The following NAV1 variants were observed in gnomAD, a reference collection of about 807,000 sequenced individuals.
NAV1 encodes the protein neuron navigator 1.
A neutral mutation model predicts 175.2 loss-of-function variants in NAV1; 18 were observed. The observed-to-expected ratio is 0.10, with a 90% CI of 0.07 to 0.15. The LOEUF (loss-of-function observed/expected upper bound fraction) is 0.15. NAV1 is among the 10% of genes least tolerant of loss of function. NAV1 has a pLI of 1.00. For missense variants in NAV1, 1,731 were observed against 2,436.6 expected (o/e 0.71, Z 6.10); for synonymous variants, 897 against 978.7 (o/e 0.92, Z 1.56).
In NAV1 at chr1:201,674,650, A is replaced by T. The variant is rs116660056; in HGVS notation, c.757+25225A>T. ...TCAGGGAGCATTTACTTATGGCAGA[A>T]GGTGAAGTGGGAGCAGGCTTGTCAC... On this transcript the variant is annotated intron_variant, in intron 1 of 29. Transcript: ENST00000367296. Among the ~76,000 whole-genome samples, 925 of 152,328 alleles carry T rather than the reference A, an allele frequency of 6.1e-3. 13 individuals carry two copies. Among genetic ancestry groups the T allele is most frequent in the African/African-American group, 0.021 (873 of 41,558 alleles).
At chr1:201,563,198 C>G (rs1666253818) in intron 1 of NAV1, among the ~76,000 whole-genome samples, 1 of 152,136 alleles carries the variant, frequency 6.6e-6, no homozygotes, top group Non-Finnish European at 1.5e-5. Flanking sequence ...GGGCTAGCTG[C>G]CCCTGGTCAC....
At chr1:201,671,811 C>T (rs1670054561) in intron 1 of NAV1, among the ~76,000 whole-genome samples, 1 of 152,220 alleles carries the variant, frequency 6.6e-6, no homozygotes, top group Non-Finnish European at 1.5e-5. Context: ...CCACTGGTCA[C>T]AATACCGATG....
chr1:201,583,802 A>T (rs1666939560), intron 1 of NAV1, among the ~76,000 whole-genome samples: 1 of 152,228 alleles, frequency 6.6e-6, no homozygotes, highest in Non-Finnish European at 1.5e-5. Flanking sequence ...AAGCCTCAAG[A>T]TAAAGCATGT....
intron 1 of NAV1, among the ~76,000 whole-genome samples, chr1:201,682,362 T>G (rs1050506558): frequency 2.0e-5 from 3 of 152,154 alleles, no homozygotes; most frequent in Non-Finnish European, 4.4e-5. Flanking sequence ...CTTCTGAGGT[T>G]CTTTTGAACC....
chr1:201,805,281 C>G (rs1012122749), intron 17 of NAV1, among the ~76,000 whole-genome samples: 14 of 152,190 alleles, frequency 9.2e-5, no homozygotes, highest in African/African-American at 2.9e-4. Flanking sequence ...TAATAGCAAT[C>G]CAACAGTGCC....
At chr1:201,696,504 C>T (rs1202854222) in intron 1 of NAV1, among the ~76,000 whole-genome samples, 2 of 152,146 alleles carry the variant, frequency 1.3e-5, no homozygotes, top group African/African-American at 2.4e-5. Flanking sequence ...GCCAGTGAGG[C>T]CTGGACTGGC....
intron 1 of NAV1, among the ~76,000 whole-genome samples, chr1:201,692,132 C>T (rs1670973961): frequency 6.6e-6 from 1 of 152,214 alleles, no homozygotes; most frequent in Non-Finnish European, 1.5e-5. Context: ...TTCAACGAGC[C>T]TGTGTTATGT....
chr1:201,805,967 A>G (rs1247845999), intron 17 of NAV1, among the ~76,000 whole-genome samples: 1 of 149,392 alleles, frequency 6.7e-6, no homozygotes, highest in East Asian at 2.0e-4. Flanking sequence ...TTTGAGAAGT[A>G]CTGCATTTTC....
chr1:201,649,468 C>T (rs1413179528), intron 1 of NAV1, 43 bp downstream of exon 5: 5 of 1,460,106 alleles, frequency 3.4e-6, no homozygotes, highest in Non-Finnish European at 4.5e-6. Flanking sequence ...TGGCTTTCTC[C>T]TAACCAGCTG....
intron 4 of NAV1, 109 bp from the exon 9 acceptor site, chr1:201,780,903 A>T: frequency 1.6e-6 from 2 of 1,256,800 alleles, no homozygotes. Context: ...GTTTGACTTA[A>T]TACTCTGAGA....
At chr1:201,629,494 C>T (rs1668426918) in exon 2 of NAV1, 2 of 1,303,892 alleles carry the variant, frequency 1.5e-6, no homozygotes, top group Non-Finnish European at 2.0e-6. Flanking sequence ...CTGAGGAGAG[C>T]TTCTCCTGCA....
chr1:201,592,675 T>C (rs545273634), intron 2 of NAV1, among the ~76,000 whole-genome samples: 9 of 152,068 alleles, frequency 5.9e-5, no homozygotes, highest in Non-Finnish European at 8.8e-5. Flanking sequence ...AAGACTGAGA[T>C]ACATAGAGAG....
intron 1 of NAV1, among the ~76,000 whole-genome samples, chr1:201,555,846 G>C (rs1665994289): frequency 7.9e-6 from 1 of 127,106 alleles, no homozygotes; most frequent in Non-Finnish European, 1.6e-5. Flanking sequence ...TGGAGCAAAG[G>C]TGCTGTGAAG....
intron 3 of NAV1, among the ~76,000 whole-genome samples, chr1:201,732,333 C>A (rs1450433347): frequency 6.6e-6 from 1 of 152,118 alleles, no homozygotes; most frequent in Non-Finnish European, 1.5e-5. Context: ...AAAATACACA[C>A]TAATTTTTGT....
At chr1:201,747,986 G>A (rs12069304) in intron 3 of NAV1, among the ~76,000 whole-genome samples, 2,322 of 152,250 alleles carry the variant, frequency 0.015, 42 homozygotes, top group African/African-American at 0.048. Flanking sequence ...GATTCATGCC[G>A]AACAACTTTG....
chr1:201,543,975 T>C (rs1665595047), intron 1 of NAV1, among the ~76,000 whole-genome samples: 1 of 152,206 alleles, frequency 6.6e-6, no homozygotes, highest in South Asian at 2.1e-4. Context: ...ACCAACTCCC[T>C]CCAGCCGGAG....
At chr1:201,648,718 G>T in exon 1 of NAV1, 1 of 1,415,632 alleles carries the variant, frequency 7.1e-7, no homozygotes, top group Admixed American at 2.9e-5. Flanking sequence ...GAGCTGAGCA[G>T]CGGCGGCGGC....
chr1:201,768,731 T>C (rs1306778037), intron 3 of NAV1, among the ~76,000 whole-genome samples: 1 of 150,644 alleles, frequency 6.6e-6, no homozygotes, highest in Non-Finnish European at 1.5e-5. Flanking sequence ...CAAAAATAAA[T>C]ATATTTGATG....
chr1:201,625,296 T>C (rs1240788106), intron 1 of NAV1, among the ~76,000 whole-genome samples: 2 of 152,232 alleles, frequency 1.3e-5, no homozygotes, highest in Admixed American at 1.3e-4. Context: ...TTAGATTTAC[T>C]TGGTGCAGCT....
Sources: gnomAD v4.1 joint callset for allele counts (sites outside exome capture counted in the v4.1 genomes callset) on GRCh38, gnomAD v4.1.1 for gene constraint, MANE v1.5 for transcripts, NCBI Gene and HGNC (gene_info 2026-07-23, HGNC 2026-07-21) for gene names.